CFAP221: variants seen among roughly 807,000 people sequenced by gnomAD.
CFAP221 encodes the protein cilia- and flagella-associated protein 221.
Under a neutral mutation model 113.1 loss-of-function variants are expected in CFAP221, and 97 were observed. That is an observed-to-expected ratio of 0.86 (90% CI 0.73 to 1.02). The LOEUF (loss-of-function observed/expected upper bound fraction) is 1.02. Among genes scored for constraint, CFAP221 ranks in the 50% least tolerant of loss-of-function variants. The pLI, the probability that CFAP221 is intolerant of heterozygous loss-of-function variation, is 0.00. For missense variants in CFAP221, 1,025 were observed against 1,013.4 expected, an observed-to-expected ratio of 1.01 and a Z score of -0.16; for synonymous variants, 331 against 354.4, an observed-to-expected ratio of 0.93 and a Z score of 0.74.
intron 3 of CFAP221, 100 bp downstream of exon 3, chr2:119,549,285 C>T (rs1680263279): frequency 5.3e-6 from 5 of 942,528 alleles, no homozygotes; most frequent in East Asian, 2.9e-5. Flanking sequence ...CATAATCAGC[C>T]GTAGTGCAAG....
At position 119,628,431 on chromosome 2, in the gene CFAP221, G is replaced by T. The variant is rs867621159; in HGVS notation, c.1650+645G>T. ...TTGAAAAAGTGAGAGTTAACCCTTA[G>T]GTTGTATTTACTATACATCAGGCAG... On this transcript the variant is annotated intron_variant, in intron 16 of 23. Transcript: ENST00000413369. Among the ~76,000 whole-genome samples, 10 of 151,940 alleles carry T rather than the reference G, an allele frequency of 6.6e-5. No individual in the cohort carries two copies. The South Asian group carries it at 8.3e-4, about 13-fold the overall frequency.
chr2:119,560,185 A>C (rs2104537209), intron 5 of CFAP221, among the ~76,000 whole-genome samples, 159 bp downstream of exon 5: 1 of 151,680 alleles, frequency 6.6e-6, no homozygotes, highest in South Asian at 2.1e-4. Flanking sequence ...TGGCGTGCAA[A>C]GCTTGTTGCC....
At chr2:119,631,064 G>T in intron 19 of CFAP221, 163 bp downstream of exon 19, 1 of 1,336,564 alleles carries the variant, frequency 7.5e-7, no homozygotes, top group Non-Finnish European at 9.6e-7. Context: ...ATTTTTTGGA[G>T]AATATCAGTG....
intron 16 of CFAP221, among the ~76,000 whole-genome samples, chr2:119,628,400 G>A (rs1171366115): frequency 2.0e-5 from 3 of 151,520 alleles, no homozygotes; most frequent in Admixed American, 6.6e-5. Flanking sequence ...GCACAATGGT[G>A]CATTATTGAA....
intron 14 of CFAP221, among the ~76,000 whole-genome samples, chr2:119,616,063 TA>T (rs1685506098): frequency 6.6e-6 from 1 of 152,224 alleles, no homozygotes; most frequent in Non-Finnish European, 1.5e-5. Context: ...TGCAGCCTTT[TA>T]AAAAATCAAT....
At chr2:119,611,339 C>T (rs1390070446) in intron 12 of CFAP221, among the ~76,000 whole-genome samples, 1 of 145,430 alleles carries the variant, frequency 6.9e-6, no homozygotes, top group Non-Finnish European at 1.5e-5. Context: ...AGGAGAATGG[C>T]GTGAACCCGG....
chr2:119,566,873 T>C (rs1422747445), intron 6 of CFAP221, among the ~76,000 whole-genome samples: 1 of 152,222 alleles, frequency 6.6e-6, no homozygotes, highest in Non-Finnish European at 1.5e-5. Context: ...TTTATTTTTA[T>C]TGTATTGTAT....
In CFAP221 at chr2:119,585,595, T is replaced by C. The variant is rs114110467; in HGVS notation, c.528-1524T>C. Among the ~76,000 whole-genome samples the C allele has an allele frequency of 4.5e-3, 687 of 152,340 alleles. 3 individuals are homozygous for C. The highest frequency in any genetic ancestry group is 0.024 in the Middle Eastern group (7 of 294). ...AGATAAAGGGGTCGTTATTTTATTG[T>C]TCTTTACATTTTTCTTTATATTTGA... On this transcript the variant is annotated intron_variant, in intron 6 of 23. Coordinates refer to ENST00000413369, the MANE Select transcript of CFAP221 (RefSeq NM_001271049.2).
rs1168179117 is a variant in CFAP221, at chr2:119,615,651, A to G, written c.1352A>G (p.Asn451Ser). Residue 451 changes from asparagine (N) to serine (S), a missense_variant, in exon 14 of 24, where the codon AAT (asparagine) becomes AGT (serine). Coordinates refer to ENST00000413369, the MANE Select transcript of CFAP221 (RefSeq NM_001271049.2). ...EFHPTFDPLI[N>S]NTWLSRSRAQ... The stretch of plus-strand genomic sequence containing the variant: ...CATCCTACTTTTGATCCACTCATTA[A>G]TAACACTTGGCTCAGCAGGTCCAGG... 4.3e-6 allele frequency: 7 copies of G among 1,613,118 alleles called. No homozygotes were observed. The highest frequency in any genetic ancestry group is 5.9e-6 in the Non-Finnish European group (7 of 1,179,558).
intron 3 of CFAP221, among the ~76,000 whole-genome samples, chr2:119,550,762 A>G (rs1027624325): frequency 2.6e-5 from 4 of 152,170 alleles, no homozygotes; most frequent in Admixed American, 6.5e-5. Context: ...ATTACCATAA[A>G]TTTACCCATT....
At chr2:119,652,906 A>G (rs1688208108) in intron 23 of CFAP221, among the ~76,000 whole-genome samples, 1 of 149,346 alleles carries the variant, frequency 6.7e-6, no homozygotes. Flanking sequence ...GTAGTAACAT[A>G]CATTTTGTTG....
intron 14 of CFAP221, among the ~76,000 whole-genome samples, chr2:119,624,259 A>G (rs191840981): frequency 1.6e-3 from 239 of 152,390 alleles, no homozygotes; most frequent in Admixed American, 4.4e-3. Flanking sequence ...GCCAACAAAC[A>G]TATGAAAAAC....
intron 2 of CFAP221, 74 bp downstream of exon 2, chr2:119,546,344 G>GT: frequency 7.0e-7 from 1 of 1,424,516 alleles, no homozygotes; most frequent in Non-Finnish European, 9.3e-7. Context: ...AGAGCATAAT[G>GT]GGACTTTTAG....
chr2:119,633,297 A>G (rs190786604), intron 19 of CFAP221, among the ~76,000 whole-genome samples: 7 of 152,096 alleles, frequency 4.6e-5, no homozygotes, highest in South Asian at 2.1e-4. Flanking sequence ...GTGATCTTCA[A>G]TTAGACAAAG....
intron 6 of CFAP221, among the ~76,000 whole-genome samples, chr2:119,578,473 A>T (rs2104590108): frequency 6.6e-6 from 1 of 152,362 alleles, no homozygotes; most frequent in African/African-American, 2.4e-5. Flanking sequence ...AATGATTCTC[A>T]TATCAATGAG....
chr2:119,648,290 G>A (rs1328236119), intron 22 of CFAP221, among the ~76,000 whole-genome samples: 1 of 152,176 alleles, frequency 6.6e-6, no homozygotes, highest in South Asian at 2.1e-4. Flanking sequence ...CATAAGAGAA[G>A]ATACATGGTT....
At chr2:119,556,833 T>G (rs1013350061) in intron 3 of CFAP221, among the ~76,000 whole-genome samples, 1 of 152,196 alleles carries the variant, frequency 6.6e-6, no homozygotes, top group African/African-American at 2.4e-5. Context: ...ATTACAGGTG[T>G]GAGCCACTGT....
intron 21 of CFAP221, among the ~76,000 whole-genome samples, chr2:119,646,337 A>T (rs1374873352): frequency 6.6e-6 from 1 of 152,214 alleles, no homozygotes. Flanking sequence ...TACAGGAAGC[A>T]GGACAGCTTC....
intron 6 of CFAP221, among the ~76,000 whole-genome samples, chr2:119,568,504 C>T (rs1292514858): frequency 3.3e-5 from 5 of 152,020 alleles, no homozygotes; most frequent in African/African-American, 1.2e-4. Context: ...CCCCACCTCC[C>T]GACAGGCCCC....
Sources: allele counts gnomAD v4.1 joint callset (sites outside exome capture counted in the v4.1 genomes callset), GRCh38; gene constraint gnomAD v4.1.1; transcripts MANE v1.5; gene names NCBI Gene and HGNC (gene_info 2026-07-23, HGNC 2026-07-21).